CAMKMT: variants seen among roughly 807,000 people sequenced by gnomAD.
CAMKMT encodes the protein calmodulin-lysine N-methyltransferase.
Under a neutral mutation model 48.0 loss-of-function variants are expected in CAMKMT, and 53 were observed. The observed-to-expected ratio is 1.10, with a 90% CI of 0.89 to 1.39. CAMKMT has a LOEUF of 1.39. Among genes scored for constraint, CAMKMT ranks in the 40% most tolerant of loss-of-function variants. The pLI is 0.00. For synonymous variants in CAMKMT, 165 were observed against 152.3 expected (o/e 1.08, Z -0.61); for missense variants, 428 against 402.7 (o/e 1.06, Z -0.54).
intron 7 of CAMKMT, among the ~76,000 whole-genome samples, chr2:44,725,143 CGTGTGTGTGTGTGT>C (rs4039394): frequency 1.1e-4 from 16 of 140,646 alleles, no homozygotes; most frequent in South Asian, 2.4e-4. Context: ...GCTTTCTGGA[CGTGTGTGTGTGTGT>C]GTGTGTGTGT....
chr2:44,570,977 A>G (rs1328811985), intron 3 of CAMKMT, among the ~76,000 whole-genome samples: 1 of 152,216 alleles, frequency 6.6e-6, no homozygotes, highest in Admixed American at 6.5e-5. Flanking sequence ...CACGAAAAGT[A>G]AAAAGGAAAA....
chr2:44,647,023 G>T (rs1673770831), intron 3 of CAMKMT, among the ~76,000 whole-genome samples: 1 of 152,146 alleles, frequency 6.6e-6, no homozygotes, highest in Non-Finnish European at 1.5e-5. Flanking sequence ...CCTTGGCCGG[G>T]CGCGGTGGCT....
At chr2:44,569,306 C>G (rs1225396056) in intron 3 of CAMKMT, among the ~76,000 whole-genome samples, 2 of 152,070 alleles carry the variant, frequency 1.3e-5, no homozygotes, top group African/African-American at 4.8e-5. Context: ...AATCAAGATG[C>G]AAATATCATC....
chr2:44,551,590 G>A (rs760275178), intron 3 of CAMKMT, among the ~76,000 whole-genome samples: 1 of 152,178 alleles, frequency 6.6e-6, no homozygotes, highest in Non-Finnish European at 1.5e-5. Context: ...CAGTCCATTA[G>A]CATTGAGGCC....
At position 44,495,858 on chromosome 2, in the gene CAMKMT, G is replaced by A. The variant is rs111965552; in HGVS notation, c.376+105553G>A. On this transcript the variant is annotated intron_variant, in intron 3 of 10. Coordinates refer to ENST00000378494, the MANE Select transcript of CAMKMT (RefSeq NM_024766.5). ...CTAAAAGTTTTATTCTCCTTCTATT[G>A]GGTTGCTTTTGAGTAGATCCAATTT... is the stretch of plus-strand genomic sequence containing the variant. 7.9e-3 allele frequency among the ~76,000 whole-genome samples: 1,209 copies of A among 152,152 alleles called. 15 individuals carry two copies. The highest frequency in any genetic ancestry group is 0.028 in the African/African-American group (1,153 of 41,510).
At chr2:44,411,979 ATTTTTTTTTTTTTTTTTTTTTT>A (rs541645446) in intron 3 of CAMKMT, among the ~76,000 whole-genome samples, 1 of 91,840 alleles carries the variant, frequency 1.1e-5, no homozygotes, top group South Asian at 4.1e-4. Flanking sequence ...ATTCTCTTCA[ATTTTTTTTTTTTTTTTTTTTTT>A]TTTTTTTTTA....
intron 3 of CAMKMT, among the ~76,000 whole-genome samples, chr2:44,673,512 A>AGGAAGGAAGGAAGGAG (rs1553435789): frequency 8.7e-6 from 1 of 115,260 alleles, no homozygotes. Context: ...GAAGGAAGGA[A>AGGAAGGAAGGAAGGAG]GGAAGGAAGG....
At chr2:44,395,137 ATTG>A (rs1681713753) in intron 3 of CAMKMT, 1 of 360,212 alleles carries the variant, frequency 2.8e-6, no homozygotes, top group Non-Finnish European at 5.5e-6. Flanking sequence ...TTTCTGTTTC[ATTG>A]TTGTTATGTT....
intron 3 of CAMKMT, among the ~76,000 whole-genome samples, chr2:44,401,650 C>T (rs1427904207): frequency 6.6e-6 from 1 of 152,116 alleles, no homozygotes; most frequent in African/African-American, 2.4e-5. Context: ...AAAAAAATGG[C>T]TTGAATAACT....
rs116194936 is a variant in CAMKMT at position 44,523,739 on chromosome 2, G to A, written c.376+133434G>A. Among the ~76,000 whole-genome samples the A allele has an allele frequency of 4.8e-3, 717 of 150,770 alleles. 6 individuals are homozygous for A. Among genetic ancestry groups the A allele is most frequent in the African/African-American group, 0.016 (675 of 41,078 alleles). ...CTTGGACTTCTTGCATGATTGTGCT[G>A]GGTTCAGAGAAGAGCCTCCAGAGAG... On this transcript the variant is annotated intron_variant, in intron 3 of 10. Coordinates refer to ENST00000378494, the MANE Select transcript of CAMKMT (RefSeq NM_024766.5).
At chr2:44,383,734 A>C (rs759962541) in intron 2 of CAMKMT, among the ~76,000 whole-genome samples, 1 of 152,076 alleles carries the variant, frequency 6.6e-6, no homozygotes, top group Non-Finnish European at 1.5e-5. Flanking sequence ...ATGATGTTTG[A>C]TTTTCCATTC....
chr2:44,485,557 T>A (rs947090377), intron 3 of CAMKMT, among the ~76,000 whole-genome samples: 1 of 152,184 alleles, frequency 6.6e-6, no homozygotes, highest in Non-Finnish European at 1.5e-5. Context: ...CAAACCTAGA[T>A]GGTATAGCCT....
chr2:44,751,182 A>C (rs1281403428), intron 8 of CAMKMT, among the ~76,000 whole-genome samples: 1 of 152,198 alleles, frequency 6.6e-6, no homozygotes, highest in Non-Finnish European at 1.5e-5. Flanking sequence ...GGATGCAAGT[A>C]AACAGGGATG....
At chr2:44,467,541 G>A (rs1461720470) in intron 3 of CAMKMT, among the ~76,000 whole-genome samples, 7 of 146,756 alleles carry the variant, frequency 4.8e-5, no homozygotes, top group Non-Finnish European at 4.5e-5. Flanking sequence ...CTCTGTCTCA[G>A]AAAAAAAAAC....
chr2:44,372,384 C>A (rs1679262757), intron 1 of CAMKMT, among the ~76,000 whole-genome samples: 1 of 151,520 alleles, frequency 6.6e-6, no homozygotes, highest in African/African-American at 2.4e-5. Context: ...GCTAGGGAGC[C>A]TGAGGTAGGA....
In CAMKMT at chr2:44,624,421, CA is replaced by C. The variant is rs202146578; in HGVS notation, c.377-79861del. ...ATACATGTGCCATGTTGGTGTGCTG[CA>C]CCTATTAACTCGTCATTTAGCATTA... On this transcript the variant is annotated intron_variant, in intron 3 of 10. Coordinates refer to ENST00000378494, the MANE Select transcript of CAMKMT (RefSeq NM_024766.5). 7.9e-5 allele frequency among the ~76,000 whole-genome samples: 12 copies of C among 152,030 alleles called. No homozygotes were observed. In the East Asian group the frequency reaches 2.1e-3, roughly 27 times the overall value.
chr2:44,495,968 C>G (rs1026211680), intron 3 of CAMKMT, among the ~76,000 whole-genome samples: 2 of 152,198 alleles, frequency 1.3e-5, no homozygotes, highest in Non-Finnish European at 2.9e-5. Flanking sequence ...TACCTAGTAA[C>G]TCAAAGTAAA....
chr2:44,478,131 C>G (rs1211801835), intron 3 of CAMKMT, among the ~76,000 whole-genome samples: 1 of 152,056 alleles, frequency 6.6e-6, no homozygotes, highest in African/African-American at 2.4e-5. Flanking sequence ...AAAACAAATC[C>G]TAATTTTTTT....
At chr2:44,597,022 A>G (rs953156226) in intron 3 of CAMKMT, among the ~76,000 whole-genome samples, 4 of 152,206 alleles carry the variant, frequency 2.6e-5, no homozygotes, top group African/African-American at 9.6e-5. Context: ...ATCCTTTTCA[A>G]TAATTGCAAA....
Sources: allele counts gnomAD v4.1 joint callset (sites outside exome capture counted in the v4.1 genomes callset), GRCh38; gene constraint gnomAD v4.1.1; transcripts MANE v1.5; gene names NCBI Gene and HGNC (gene_info 2026-07-23, HGNC 2026-07-21).